ZNF331: variants seen among roughly 807,000 people sequenced by gnomAD.
ZNF331 encodes zinc finger protein 331.
In ZNF331, 2 loss-of-function variants were observed where a neutral mutation model predicts 7.0. That is an observed-to-expected ratio of 0.29 (90% CI 0.12 to 0.90). The LOEUF (loss-of-function observed/expected upper bound fraction) is 0.90, where lower values mean the gene tolerates loss of function less well. Among genes scored for constraint, ZNF331 ranks in the 40% least tolerant of loss-of-function variants. The pLI is 0.58. For synonymous variants in ZNF331, 196 were observed against 205.4 expected, an observed-to-expected ratio of 0.95 and a Z score of 0.39; for missense variants, 432 against 587.7, an observed-to-expected ratio of 0.74 and a Z score of 2.74.
chr19:53,568,961 A>G (rs1276402081), intron 3 of ZNF331, among the ~76,000 whole-genome samples: 8 of 148,316 alleles, frequency 5.4e-5, no homozygotes, highest in Non-Finnish European at 8.9e-5. Flanking sequence ...GGTTCAAGCG[A>G]TTCCCCTGCC....
chr19:53,536,992 GGTATTATATACT>G (rs1307998453), upstream of ZNF331, among the ~76,000 whole-genome samples: 7 of 152,066 alleles, frequency 4.6e-5, no homozygotes, highest in African/African-American at 1.7e-4. Context: ...TTCTGGTTGT[GGTATTATATACT>G]ACAATCACCA....
At chr19:53,513,580 A>G in the ZNF331 span, among the ~76,000 whole-genome samples, 1 of 152,158 alleles carries the variant, frequency 6.6e-6, no homozygotes, top group Non-Finnish European at 1.5e-5. Context: ...AGACATGTGA[A>G]GTGATACCTC....
the ZNF331 span, among the ~76,000 whole-genome samples, chr19:53,505,460 A>C: frequency 6.6e-6 from 1 of 152,064 alleles, no homozygotes. Context: ...GTGCCTCCCA[A>C]AATGCTGGGA....
Position 53,540,000 on chromosome 19 carries a change from A to G in ZNF331, c.-138+718A>G, listed in dbSNP as rs2088027408. Among the ~76,000 whole-genome samples the G allele has an allele frequency of 6.6e-6, 1 of 152,346 alleles. No individual in the cohort carries two copies. Among genetic ancestry groups the G allele is most frequent in the East Asian group, 1.9e-4 (1 of 5,182 alleles). ...GTTATTAACAATAGTAAATGAAGGA[A>G]ATGCTTCAGTTGCCTACAAATTCCA... On this transcript the variant is annotated intron_variant, in intron 2 of 5. Transcript: ENST00000449416. This position sits in a 1 kb window ranked among gnomAD's most constrained non-coding sequence, Gnocchi z 6.1.
chr19:53,546,162 T>G (rs949747499), intron 2 of ZNF331, among the ~76,000 whole-genome samples: 1 of 97,888 alleles, frequency 1.0e-5, no homozygotes, highest in Admixed American at 1.1e-4. Flanking sequence ...AAAAAAAAAA[T>G]TATTATTTAG....
Position 53,577,673 on chromosome 19 carries a change from T to C in ZNF331, c.1113T>C (p.Thr371=). 6.2e-7 allele frequency: 1 copy of C among 1,614,056 alleles called. No individual in the cohort carries two copies. Among genetic ancestry groups the C allele is most frequent in the South Asian group, 1.1e-5 (1 of 91,076 alleles). ...CCTTCAATTGTGGCTATCACCTCAC[T>C]CAGCACGAGAGAATCCACACAGGCG... is the stretch of plus-strand genomic sequence containing the variant. ...GKAFNCGYHL[T]QHERIHTGET... Residue 371 remains threonine, a synonymous_variant, in exon 6 of 6, where the codon ACT becomes ACC. Coordinates refer to ENST00000449416, the MANE Select transcript of ZNF331 (RefSeq NM_001079906.2).
intron 2 of ZNF331, among the ~76,000 whole-genome samples, chr19:53,552,177 C>A (rs2147428479): frequency 6.6e-6 from 1 of 152,280 alleles, no homozygotes; most frequent in African/African-American, 2.4e-5. Flanking sequence ...CATCCTCTTG[C>A]TAATGTTCCC....
At chr19:53,550,593 T>A (rs9917017) in intron 2 of ZNF331, among the ~76,000 whole-genome samples, 1 of 139,998 alleles carries the variant, frequency 7.1e-6, no homozygotes, top group Non-Finnish European at 1.5e-5. Flanking sequence ...CTGGAATGCA[T>A]TGGCCCGATC....
intron 2 of ZNF331, among the ~76,000 whole-genome samples, chr19:53,543,267 A>T (rs888488374): frequency 3.3e-5 from 5 of 152,064 alleles, no homozygotes; most frequent in African/African-American, 4.8e-5. Flanking sequence ...TCTATTATGA[A>T]TTTTTTTATT....
upstream of ZNF331, among the ~76,000 whole-genome samples, chr19:53,536,000 C>T (rs2147285741): frequency 6.6e-6 from 1 of 152,176 alleles, no homozygotes; most frequent in East Asian, 1.9e-4. Context: ...GACAGGGTTT[C>T]ACCATGTTGC....
At chr19:53,544,999 C>T (rs2088496638) in intron 2 of ZNF331, among the ~76,000 whole-genome samples, 1 of 152,126 alleles carries the variant, frequency 6.6e-6, no homozygotes, top group African/African-American at 2.4e-5. Flanking sequence ...GCTGGGATTA[C>T]AGGCATGAGC....
chr19:53,574,676 T>G (rs2090619691), intron 5 of ZNF331, among the ~76,000 whole-genome samples: 1 of 152,198 alleles, frequency 6.6e-6, no homozygotes, highest in African/African-American at 2.4e-5. Flanking sequence ...TGTTAATGTG[T>G]CACCACCATG....
At chr19:53,544,341 G>T (rs12983786) in intron 2 of ZNF331, among the ~76,000 whole-genome samples, 29 of 150,890 alleles carry the variant, frequency 1.9e-4, no homozygotes, top group East Asian at 4.0e-4. Context: ...GTCAGGAGAT[G>T]GAGACCATCC....
chr19:53,557,856 CA>C (rs2089536356), intron 3 of ZNF331, among the ~76,000 whole-genome samples: 2 of 152,134 alleles, frequency 1.3e-5, no homozygotes. Context: ...CCCAGCTACT[CA>C]GGAGGCTGAG....
Position 53,577,129 on chromosome 19 carries a change from A to G in ZNF331, c.569A>G (p.Lys190Arg). Residue 190 changes from lysine (K) to arginine (R), a missense_variant, in exon 6 of 6, where the codon AAA (lysine) becomes AGA (arginine). Around this residue, in one of 3 missense-constraint regions of ZNF331, gnomAD observed 312 missense variants for 448.6 expected, o/e 0.70. Coordinates refer to ENST00000449416, the MANE Select transcript of ZNF331 (RefSeq NM_001079906.2). ...ACTGGGGAGAAGCCCTACGAATGTA[A>G]AGACTGTGGGAAGGCTTTTCGATGG... Reference protein sequence around the residue: ...IHTGEKPYECKDCGKAFRWGS... With the variant: ...IHTGEKPYECRDCGKAFRWGS... The G allele has an allele frequency of 6.2e-7, 1 of 1,614,202 alleles. No homozygotes were observed. The highest frequency in any genetic ancestry group is 8.5e-7 in the Non-Finnish European group (1 of 1,180,040).
intron 3 of ZNF331, among the ~76,000 whole-genome samples, chr19:53,566,336 A>G (rs1394924992): frequency 2.0e-5 from 3 of 152,086 alleles, no homozygotes; most frequent in Non-Finnish European, 4.4e-5. Flanking sequence ...TCTTTCGTCC[A>G]GGCTGGAGTG....
chr19:53,518,309 G>T (rs1397117059), upstream of ZNF331, among the ~76,000 whole-genome samples: 2 of 148,922 alleles, frequency 1.3e-5, no homozygotes, highest in African/African-American at 5.2e-5. Flanking sequence ...GGGCCCTGTG[G>T]CCTCTGGCCA....
intron 3 of ZNF331, among the ~76,000 whole-genome samples, chr19:53,565,535 T>C (rs1166349886): frequency 6.6e-6 from 1 of 152,034 alleles, no homozygotes; most frequent in Non-Finnish European, 1.5e-5. Context: ...TTTTATTTTT[T>C]TTTCTTTTTG....
At chr19:53,526,285 A>T (rs984045876) in intron 2 of ZNF331, among the ~76,000 whole-genome samples, 1 of 152,180 alleles carries the variant, frequency 6.6e-6, no homozygotes, top group Admixed American at 6.5e-5. Flanking sequence ...GTTCTTATAA[A>T]ATGGGCTTGG....
Sources: allele counts gnomAD v4.1 joint callset (sites outside exome capture counted in the v4.1 genomes callset), GRCh38; gene constraint gnomAD v4.1.1; regional missense constraint gnomAD v4.1.1; non-coding constraint Gnocchi (gnomAD v3.1); transcripts MANE v1.5; gene names NCBI Gene and HGNC (gene_info 2026-07-23, HGNC 2026-07-21).